Variants in DOP1B observed in about 807,000 individuals in gnomAD.
DOP1B encodes the protein DOP1 leucine zipper like protein B.
DOP1B carries 174 observed loss-of-function variants against 233.5 expected under a neutral mutation model. The observed-to-expected ratio is 0.75, with a 90% CI of 0.66 to 0.85. DOP1B has a LOEUF of 0.85. Ranked by LOEUF, DOP1B falls within the 40% of genes least tolerant of loss-of-function variation. DOP1B has a pLI of 0.00. For missense variants in DOP1B, 2,652 were observed against 2,846.6 expected (o/e 0.93, Z 1.56); for synonymous variants, 1,190 against 1,185.6 (o/e 1.00, Z -0.08).
intron 2 of DOP1B, chr21:36,175,649 TG>T (rs2066014269): frequency 6.6e-6 from 1 of 151,804 alleles, no homozygotes; most frequent in Admixed American, 6.6e-5. Flanking sequence ...AAAAACGAGC[TG>T]GGTATGGTGG....
Position 36,200,481 on chromosome 21 carries a change from G to A in DOP1B, c.471G>A (p.Glu157=), listed in dbSNP as rs770551732. 5 of 1,610,054 alleles carry A rather than the reference G, an allele frequency of 3.1e-6. No homozygotes were observed. Among genetic ancestry groups the A allele is most frequent in the Non-Finnish European group, 4.2e-6 (5 of 1,179,098 alleles). The stretch of plus-strand genomic sequence containing the variant: ...TGGGCCTGCTGCCCGGCCTTGAAGA[G>A]GGCTCCGAGATCTCCGACAGGTGCG... The part of the protein sequence containing the change: ...FIVGLLPGLE[E]GSEISDRTDA... Residue 157 remains glutamate, a synonymous_variant, in exon 4 of 37, where the codon GAG becomes GAA. Transcript: ENST00000691173.
intron 28 of DOP1B, among the ~76,000 whole-genome samples, chr21:36,277,644 TTTTC>T (rs2067367796): frequency 1.3e-5 from 2 of 151,644 alleles, no homozygotes; most frequent in African/African-American, 4.8e-5. Flanking sequence ...TTTTTTTTCT[TTTTC>T]TTTCTGTTTT....
intron 4 of DOP1B, among the ~76,000 whole-genome samples, chr21:36,203,645 G>T (rs535769496): frequency 5.4e-5 from 5 of 91,906 alleles, no homozygotes; most frequent in East Asian, 2.9e-4. Flanking sequence ...AGGGTGCAGT[G>T]GGGGGGGTCA....
At position 36,173,095 on chromosome 21, in the gene DOP1B, T is replaced by C. The variant is rs535425933; in HGVS notation, c.138+8224T>C. Among the ~76,000 whole-genome samples, 250 of 152,274 alleles carry C rather than the reference T, an allele frequency of 1.6e-3. 2 individuals are homozygous for C. Among genetic ancestry groups the C allele is most frequent in the East Asian group, 7.3e-3 (38 of 5,182 alleles). On this transcript the variant is annotated intron_variant, in intron 2 of 36. Coordinates refer to ENST00000691173, the MANE Select transcript of DOP1B (RefSeq NM_001320714.2). Reference sequence around the variant, plus strand: ...AGATTGCACCACTGCACTCCAGCCTTGGGGACAGAGGAAGACTCTGTCTCA... The same window carrying C: ...AGATTGCACCACTGCACTCCAGCCTCGGGGACAGAGGAAGACTCTGTCTCA...
intron 2 of DOP1B, among the ~76,000 whole-genome samples, chr21:36,183,326 A>G (rs1332657003): frequency 2.0e-5 from 3 of 152,190 alleles, no homozygotes; most frequent in African/African-American, 7.2e-5. Flanking sequence ...AAATTTCCCC[A>G]GTTGAGAACC....
At chr21:36,211,684 G>A (rs2123496274) in intron 6 of DOP1B, 33 bp downstream of exon 6, 1 of 1,603,342 alleles carries the variant, frequency 6.2e-7, no homozygotes, top group African/African-American at 1.3e-5. Flanking sequence ...GTAAGTCACT[G>A]GTGTTTCCCA....
chr21:36,222,150 G>C (rs2066631765), intron 10 of DOP1B, among the ~76,000 whole-genome samples: 1 of 152,098 alleles, frequency 6.6e-6, no homozygotes, highest in Non-Finnish European at 1.5e-5. Flanking sequence ...GGGATTGCAG[G>C]TGTGAACTAC....
chr21:36,260,888 T>C, intron 24 of DOP1B, 156 bp downstream of exon 24: 3 of 1,455,270 alleles, frequency 2.1e-6, no homozygotes, highest in South Asian at 1.5e-5. Flanking sequence ...AAGGTATTGA[T>C]CTATGCTTTT....
intron 18 of DOP1B, among the ~76,000 whole-genome samples, chr21:36,242,187 T>C (rs889876148): frequency 6.7e-6 from 1 of 150,282 alleles, no homozygotes; most frequent in Non-Finnish European, 1.5e-5. Flanking sequence ...TTATTATTAT[T>C]ATTGAAGAAG....
chr21:36,199,516 C>T (rs2066334466), intron 3 of DOP1B, among the ~76,000 whole-genome samples: 1 of 151,924 alleles, frequency 6.6e-6, no homozygotes, highest in Admixed American at 6.6e-5. Flanking sequence ...ATACATGTGC[C>T]ATGTTGGTGT....
chr21:36,284,832 AAT>A (rs2067464534), intron 32 of DOP1B, among the ~76,000 whole-genome samples: 1 of 150,636 alleles, frequency 6.6e-6, no homozygotes, highest in African/African-American at 2.4e-5. Context: ...ATAATATATT[AAT>A]ATGTTATATA....
intron 21 of DOP1B, among the ~76,000 whole-genome samples, chr21:36,249,748 C>T (rs1346883403): frequency 6.6e-6 from 1 of 152,196 alleles, no homozygotes; most frequent in Admixed American, 6.5e-5. Flanking sequence ...TCAGAATTAT[C>T]TGCCACATCT....
intron 2 of DOP1B, among the ~76,000 whole-genome samples, chr21:36,166,186 C>T (rs999439626): frequency 6.6e-5 from 10 of 151,610 alleles, no homozygotes; most frequent in Non-Finnish European, 8.8e-5. Flanking sequence ...GTAATCCCAG[C>T]ACTTTGGGAG....
At chr21:36,228,969 T>G (rs2066726423) in intron 13 of DOP1B, among the ~76,000 whole-genome samples, 1 of 151,942 alleles carries the variant, frequency 6.6e-6, no homozygotes, top group African/African-American at 2.4e-5. Flanking sequence ...ACCCTGTCTC[T>G]ACAAAAAAAA....
chr21:36,228,803 TAAAA>T, intron 13 of DOP1B, among the ~76,000 whole-genome samples: 1 of 142,956 alleles, frequency 7.0e-6, no homozygotes, highest in South Asian at 2.2e-4. Context: ...TAAAATAAAA[TAAAA>T]TAAAATAAAA....
In DOP1B at chr21:36,292,006, A is replaced by G. The variant is rs2067564512; in HGVS notation, c.6516-98A>G. On this transcript the variant is annotated intron_variant, in intron 35 of 36. Coordinates refer to ENST00000691173, the MANE Select transcript of DOP1B (RefSeq NM_001320714.2). ...AAAAGGCATTGAGTTGTCCATATTAAATAGATACAGTATGTGAATTATATC... is the reference window on the plus strand; with the variant it reads ...AAAAGGCATTGAGTTGTCCATATTAGATAGATACAGTATGTGAATTATATC... The G allele has an allele frequency of 2.9e-6, 4 of 1,364,052 alleles. No homozygotes were observed. The South Asian group carries it at 6.0e-5, about 21-fold the overall frequency. 84.5% of individuals were successfully genotyped at this position (1,364,052 alleles called of 1,614,324 possible).
chr21:36,198,185 T>C (rs1284962478), intron 2 of DOP1B, among the ~76,000 whole-genome samples: 1 of 152,090 alleles, frequency 6.6e-6, no homozygotes, highest in Non-Finnish European at 1.5e-5. Context: ...ATTTTAGCAC[T>C]TTGGGAGGCC....
chr21:36,236,939 C>A (rs779780529), intron 15 of DOP1B, among the ~76,000 whole-genome samples: 25 of 151,954 alleles, frequency 1.6e-4, no homozygotes, highest in Admixed American at 9.8e-4. Context: ...TGCCCGCCGC[C>A]ACACCTGGCT....
At chr21:36,231,192 G>C in intron 14 of DOP1B, 58 bp downstream of exon 14, 1 of 1,522,264 alleles carries the variant, frequency 6.6e-7, no homozygotes, top group Non-Finnish European at 8.8e-7. Context: ...GGCGATTGAC[G>C]TGGGTGGAAT....
Sources: allele counts gnomAD v4.1 joint callset (sites outside exome capture counted in the v4.1 genomes callset), GRCh38; gene constraint gnomAD v4.1.1; transcripts MANE v1.5; gene names NCBI Gene and HGNC (gene_info 2026-07-23, HGNC 2026-07-21).